EPC2: variants seen among roughly 807,000 people sequenced by gnomAD.
EPC2 encodes enhancer of polycomb homolog 2.
In EPC2, 14 loss-of-function variants were observed where a neutral mutation model predicts 92.1. The ratio of observed to expected loss-of-function variants is 0.15; its 90% CI spans 0.10 to 0.24. The LOEUF (loss-of-function observed/expected upper bound fraction) is 0.24, where lower values mean the gene tolerates loss of function less well. Ranked by LOEUF, EPC2 falls within the 10% of genes least tolerant of loss-of-function variation. The pLI, the probability that EPC2 is intolerant of heterozygous loss-of-function variation, is 1.00. For synonymous variants in EPC2, 340 were observed against 334.7 expected, an observed-to-expected ratio of 1.02 and a Z score of -0.17; for missense variants, 755 against 971.5, an observed-to-expected ratio of 0.78 and a Z score of 2.96.
chr2:148,753,502 A>G (rs1683117908), intron 3 of EPC2, among the ~76,000 whole-genome samples: 1 of 152,208 alleles, frequency 6.6e-6, no homozygotes, highest in East Asian at 1.9e-4. Context: ...TTTTGGACGC[A>G]CATAAAAAGA....
chr2:148,767,237 A>G (rs942263066), intron 7 of EPC2, among the ~76,000 whole-genome samples: 3 of 151,574 alleles, frequency 2.0e-5, no homozygotes, highest in Admixed American at 6.6e-5. Context: ...GTAGGGTGCT[A>G]TGACCTACAG....
At chr2:148,655,323 CTT>C (rs1680769213) in intron 1 of EPC2, among the ~76,000 whole-genome samples, 1 of 152,054 alleles carries the variant, frequency 6.6e-6, no homozygotes, top group South Asian at 2.1e-4. Context: ...GACATGGACT[CTT>C]TTGGCAGTCT....
Position 148,781,708 on chromosome 2 carries a change from G to T in EPC2, c.1785G>T (p.Arg595Ser), listed in dbSNP as rs1223502446. Residue 595 changes from arginine to serine, a missense_variant, in exon 11 of 14, where the codon AGG becomes AGT. By Grantham distance (110) the Arg-to-Ser change is moderately radical (BLOSUM62 -1). Around this residue, in one of 4 missense-constraint regions of EPC2, gnomAD observed 207 missense variants for 260.5 expected, o/e 0.79. Transcript: ENST00000258484. ...THQQQLVQMQ[R>S]QQLAQLQQKQ... The stretch of plus-strand genomic sequence containing the variant: ...AGCAGCAGTTAGTTCAGATGCAAAG[G>T]CAGCAACTTGCCCAGCTTCAGCAGA... The T allele has an allele frequency of 6.2e-7, 1 of 1,613,954 alleles. No individual in the cohort carries two copies. The highest frequency in any genetic ancestry group is 8.5e-7 in the Non-Finnish European group (1 of 1,179,866).
intron 3 of EPC2, among the ~76,000 whole-genome samples, chr2:148,746,070 T>C (rs966183588): frequency 3.9e-5 from 6 of 152,024 alleles, no homozygotes; most frequent in Non-Finnish European, 5.9e-5. Context: ...GACCATTCCT[T>C]CTTTCTTTTG....
At chr2:148,678,417 G>T (rs1681318721) in intron 1 of EPC2, among the ~76,000 whole-genome samples, 1 of 152,230 alleles carries the variant, frequency 6.6e-6, no homozygotes, top group Admixed American at 6.5e-5. Context: ...TCAGCCCTTG[G>T]GTGGTTGATG....
intron 4 of EPC2, among the ~76,000 whole-genome samples, chr2:148,759,168 C>T (rs1683250636): frequency 6.6e-6 from 1 of 152,194 alleles, no homozygotes; most frequent in Non-Finnish European, 1.5e-5. Flanking sequence ...TATCTGCTTA[C>T]TGCAACCTCT....
intron 7 of EPC2, among the ~76,000 whole-genome samples, chr2:148,768,710 C>T (rs887841776): frequency 2.0e-5 from 3 of 151,688 alleles, no homozygotes; most frequent in Admixed American, 2.0e-4. Flanking sequence ...TTTTTTTTGG[C>T]TGTTTATAAG....
At chr2:148,663,380 G>C (rs1299389911) in intron 1 of EPC2, among the ~76,000 whole-genome samples, 2 of 150,776 alleles carry the variant, frequency 1.3e-5, no homozygotes, top group African/African-American at 4.9e-5. Flanking sequence ...CACCACACCT[G>C]ACTAATTTTT....
chr2:148,661,920 C>T (rs1680943157), intron 1 of EPC2, among the ~76,000 whole-genome samples: 1 of 152,050 alleles, frequency 6.6e-6, no homozygotes, highest in African/African-American at 2.4e-5. Flanking sequence ...TCAAAAATGT[C>T]TTTAGTTTTG....
At chr2:148,769,338 A>G (rs1055145089) in intron 8 of EPC2, 98 bp downstream of exon 8, 55 of 813,836 alleles carry the variant, frequency 6.8e-5, no homozygotes, top group Non-Finnish European at 1.1e-4. Flanking sequence ...TGGGAAATGC[A>G]TCAGTACTTT....
At chr2:148,771,475 T>C (rs1574634437) in intron 10 of EPC2, 88 bp downstream of exon 10, 9 of 1,255,264 alleles carry the variant, frequency 7.2e-6, no homozygotes, top group East Asian at 7.0e-5. Context: ...ACCTACTTAA[T>C]TTTTTTTCCA....
At chr2:148,654,917 A>C (rs546320563) in intron 1 of EPC2, among the ~76,000 whole-genome samples, 2 of 152,284 alleles carry the variant, frequency 1.3e-5, no homozygotes, top group Admixed American at 1.3e-4. Context: ...ATGATTAGTT[A>C]GTTATGGGAA....
At chr2:148,776,576 T>G (rs1683648973) in intron 10 of EPC2, among the ~76,000 whole-genome samples, 1 of 152,206 alleles carries the variant, frequency 6.6e-6, no homozygotes, top group Non-Finnish European at 1.5e-5. Context: ...ACCAGTGGTT[T>G]ATATGAACTT....
chr2:148,774,624 T>TATATATATATATATATATATATATA (rs935978031), intron 10 of EPC2, among the ~76,000 whole-genome samples: 94 of 132,554 alleles, frequency 7.1e-4, no homozygotes, highest in African/African-American at 2.4e-3. Context: ...AAAATATATT[T>TATATATATATATATATATATATATA]TATATATATA....
At chr2:148,661,876 A>G (rs1352730976) in intron 1 of EPC2, among the ~76,000 whole-genome samples, 1 of 152,242 alleles carries the variant, frequency 6.6e-6, no homozygotes, top group Non-Finnish European at 1.5e-5. Context: ...CTTTCCTAGA[A>G]TGAACACCAT....
intron 2 of EPC2, among the ~76,000 whole-genome samples, chr2:148,734,029 T>C (rs1682700869): frequency 6.6e-6 from 1 of 152,126 alleles, no homozygotes; most frequent in African/African-American, 2.4e-5. Flanking sequence ...GGAAAAGAAA[T>C]GATTTGTGAT....
chr2:148,644,905 GGGCC>G lies in EPC2; in HGVS notation c.-107_-104del. On this transcript the variant is annotated 5_prime_UTR_variant, in exon 1 of 14. An upstream open reading frame in the 5' UTR loses its in-frame stop. Transcript: ENST00000258484. ...GGGGGCAGTGAGGAGGAGGAGGAGC[GGGCC>G]GGCCGCGCTGCACTGAGGAAGGAGG... The G allele has an allele frequency of 5.5e-6, 5 of 913,128 alleles. No homozygotes were observed. The highest frequency in any genetic ancestry group is 5.0e-6 in the Non-Finnish European group (3 of 603,950). 56.6% of individuals were successfully genotyped at this position (913,128 alleles called of 1,614,324 possible).
At chr2:148,750,387 TA>T (rs552364311) in intron 3 of EPC2, among the ~76,000 whole-genome samples, 15 of 148,392 alleles carry the variant, frequency 1.0e-4, no homozygotes, top group Admixed American at 2.0e-4. Context: ...ATATGTCCCT[TA>T]AAAAAAAAAG....
chr2:148,676,561 A>G (rs1321133790), intron 1 of EPC2, among the ~76,000 whole-genome samples: 2 of 152,122 alleles, frequency 1.3e-5, no homozygotes, highest in Non-Finnish European at 2.9e-5. Context: ...ATTTTGTGGT[A>G]TATTCTATTC....
Sources: allele counts gnomAD v4.1 joint callset (sites outside exome capture counted in the v4.1 genomes callset), GRCh38; gene constraint gnomAD v4.1.1; regional missense constraint gnomAD v4.1.1; transcripts MANE v1.5; gene names NCBI Gene and HGNC (gene_info 2026-07-23, HGNC 2026-07-21).